Variants in ATP8A2 observed in about 807,000 individuals in gnomAD.
ATP8A2 encodes the protein phospholipid-transporting ATPase IB.
Under a neutral mutation model 165.6 loss-of-function variants are expected in ATP8A2, and 100 were observed. The observed-to-expected ratio is 0.60, with a 90% CI of 0.51 to 0.71. The LOEUF (loss-of-function observed/expected upper bound fraction) is 0.71. Ranked by LOEUF, ATP8A2 falls within the 30% of genes least tolerant of loss-of-function variation. ATP8A2 has a pLI of 0.00. For synonymous variants in ATP8A2, 543 were observed against 548.8 expected (o/e 0.99, Z 0.15); for missense variants, 1,227 against 1,479.5 (o/e 0.83, Z 2.80).
intron 34 of ATP8A2, among the ~76,000 whole-genome samples, chr13:25,962,828 G>A (rs191961153): frequency 2.0e-4 from 31 of 152,138 alleles, no homozygotes; most frequent in Admixed American, 2.0e-3. Flanking sequence ...CCTCATTTTG[G>A]CATTATCTTG....
At chr13:25,551,121 G>A (rs1407047496) in intron 10 of ATP8A2, among the ~76,000 whole-genome samples, 2 of 152,172 alleles carry the variant, frequency 1.3e-5, no homozygotes, top group East Asian at 3.8e-4. Flanking sequence ...GTTGGAATGT[G>A]TTCTTTAAAC....
At chr13:25,382,978 A>T (rs1280658155) in intron 1 of ATP8A2, among the ~76,000 whole-genome samples, 2 of 150,344 alleles carry the variant, frequency 1.3e-5, no homozygotes, top group East Asian at 3.9e-4. Flanking sequence ...GATGGTCTCC[A>T]TCTCCTGACT....
intron 33 of ATP8A2, among the ~76,000 whole-genome samples, chr13:25,910,965 C>T (rs1474837909): frequency 1.7e-4 from 25 of 149,634 alleles, no homozygotes; most frequent in Admixed American, 1.5e-3. Context: ...TTGTGATGCT[C>T]CTCTGTTATT....
At chr13:25,539,189 T>C (rs887459733) in intron 7 of ATP8A2, among the ~76,000 whole-genome samples, 1 of 151,886 alleles carries the variant, frequency 6.6e-6, no homozygotes, top group Non-Finnish European at 1.5e-5. Context: ...TTCAAACTCC[T>C]GGGCTCAAGT....
intron 33 of ATP8A2, chr13:25,880,907 G>A (rs1226005816): frequency 1.5e-5 from 7 of 455,820 alleles, no homozygotes; most frequent in Non-Finnish European, 2.6e-5. Flanking sequence ...TCTTTCCTCA[G>A]AAAAATTCCC....
At chr13:25,483,572 G>C (rs1358677827) in intron 2 of ATP8A2, among the ~76,000 whole-genome samples, 1 of 152,188 alleles carries the variant, frequency 6.6e-6, no homozygotes, top group Non-Finnish European at 1.5e-5. Flanking sequence ...TAAACTGGAA[G>C]TAGAATAATG....
chr13:25,635,209 C>T (rs957320564), intron 24 of ATP8A2, among the ~76,000 whole-genome samples: 1 of 152,086 alleles, frequency 6.6e-6, no homozygotes, highest in Non-Finnish European at 1.5e-5. Context: ...CATAAACACA[C>T]TTAGAGAGCA....
chr13:26,015,842 A>G (rs1355864847), intron 36 of ATP8A2, among the ~76,000 whole-genome samples: 1 of 152,226 alleles, frequency 6.6e-6, no homozygotes, highest in Non-Finnish European at 1.5e-5. Context: ...TTCCTGAAAC[A>G]TGAGTGAAAG....
chr13:25,624,688 T>G (rs2041058500), intron 24 of ATP8A2, among the ~76,000 whole-genome samples: 1 of 152,192 alleles, frequency 6.6e-6, no homozygotes, highest in South Asian at 2.1e-4. Flanking sequence ...TGATTTGCTA[T>G]TAATTGGGTA....
Position 26,023,704 on chromosome 13 carries a change from G to A in ATP8A2, c.*3719G>A, listed in dbSNP as rs1229793714. The stretch of plus-strand genomic sequence containing the variant: ...GTCTTAGACCATAGCTGAATTGAAT[G>A]TTTGCAAAACACTGCTATAGGATAA... On this transcript the variant is annotated 3_prime_UTR_variant, in exon 37 of 37. Transcript: ENST00000381655. 6.6e-6 allele frequency: 1 copy of A among 152,164 alleles called. No homozygotes were observed. The highest frequency in any genetic ancestry group is 1.5e-5 in the Non-Finnish European group (1 of 68,036). The allele number at this position is 152,164 out of a possible 1,614,324, so 9.4% of individuals were successfully genotyped here. A position where few individuals can be genotyped will look rare whatever the true frequency, so the allele number is the denominator to read the frequency against.
intron 33 of ATP8A2, among the ~76,000 whole-genome samples, chr13:25,943,072 T>C (rs922284413): frequency 2.7e-4 from 41 of 152,266 alleles, no homozygotes; most frequent in African/African-American, 8.9e-4. Context: ...TGCTGCTCTG[T>C]GTGCTCCATT....
intron 33 of ATP8A2, among the ~76,000 whole-genome samples, chr13:25,894,427 G>T (rs1211543450): frequency 6.6e-6 from 1 of 152,144 alleles, no homozygotes. Context: ...TTGCTGTTTT[G>T]GTTACTGTAG....
intron 24 of ATP8A2, among the ~76,000 whole-genome samples, chr13:25,668,771 G>A (rs2042206647): frequency 6.6e-6 from 1 of 151,910 alleles, no homozygotes; most frequent in South Asian, 2.1e-4. Flanking sequence ...ATATGCATAG[G>A]AGTATCTTCA....
intron 14 of ATP8A2, among the ~76,000 whole-genome samples, chr13:25,559,520 A>G (rs972546657): frequency 1.3e-5 from 2 of 152,240 alleles, no homozygotes; most frequent in Admixed American, 1.3e-4. Flanking sequence ...TGACAGAGTG[A>G]GACTCTGTCT....
chr13:25,625,210 G>A (rs556491448), intron 24 of ATP8A2, among the ~76,000 whole-genome samples: 1 of 152,168 alleles, frequency 6.6e-6, no homozygotes, highest in Non-Finnish European at 1.5e-5. Context: ...TTTGAGCCCC[G>A]TAATCAAGAG....
intron 28 of ATP8A2, among the ~76,000 whole-genome samples, chr13:25,836,062 C>G (rs891565132): frequency 3.3e-5 from 5 of 152,168 alleles, no homozygotes; most frequent in African/African-American, 9.7e-5. Flanking sequence ...TTCAAAGTGG[C>G]TTTCTTTACA....
intron 25 of ATP8A2, among the ~76,000 whole-genome samples, chr13:25,739,970 C>T (rs951510693): frequency 1.3e-5 from 2 of 152,194 alleles, no homozygotes; most frequent in African/African-American, 2.4e-5. Flanking sequence ...CAACAGTCCA[C>T]CACAGTGGGC....
intron 4 of ATP8A2, among the ~76,000 whole-genome samples, chr13:25,531,361 A>G (rs1357509806): frequency 7.5e-6 from 1 of 133,124 alleles, no homozygotes; most frequent in Non-Finnish European, 1.5e-5. Context: ...TATGTTATAT[A>G]TGATATATAT....
At chr13:25,596,355 G>T (rs1366496749) in intron 24 of ATP8A2, among the ~76,000 whole-genome samples, 2 of 152,150 alleles carry the variant, frequency 1.3e-5, no homozygotes, top group Non-Finnish European at 2.9e-5. Context: ...AGTGTACATG[G>T]TGATATATTT....
Sources: allele counts gnomAD v4.1 joint callset (sites outside exome capture counted in the v4.1 genomes callset), GRCh38; gene constraint gnomAD v4.1.1; transcripts MANE v1.5; gene names NCBI Gene and HGNC (gene_info 2026-07-23, HGNC 2026-07-21).